The following KHDRBS2 variants were observed in gnomAD, a reference collection of about 807,000 sequenced individuals.
KHDRBS2 encodes KH domain-containing, RNA-binding, signal transduction-associated protein 2.
In KHDRBS2, 26 loss-of-function variants were observed where a neutral mutation model predicts 44.3. That is an observed-to-expected ratio of 0.59 (90% CI 0.43 to 0.81). The LOEUF (loss-of-function observed/expected upper bound fraction) is 0.81, where lower values mean the gene tolerates loss of function less well. Ranked by LOEUF, KHDRBS2 falls within the 40% of genes least tolerant of loss-of-function variation. The pLI, the probability that KHDRBS2 is intolerant of heterozygous loss-of-function variation, is 0.00. For synonymous variants in KHDRBS2, 194 were observed against 151.1 expected (o/e 1.28, Z -2.08); for missense variants, 476 against 433.1 (o/e 1.10, Z -0.88).
At chr6:62,122,568 C>T (rs1395770361) in intron 2 of KHDRBS2, among the ~76,000 whole-genome samples, 1 of 152,170 alleles carries the variant, frequency 6.6e-6, no homozygotes, top group African/African-American at 2.4e-5. Context: ...GGTCCCCACT[C>T]CTGCTATCCT....
chr6:62,266,313 A>AGGGCTGGCTC (rs1462265662), intron 1 of KHDRBS2, among the ~76,000 whole-genome samples: 25 of 152,004 alleles, frequency 1.6e-4, no homozygotes, highest in Admixed American at 1.6e-3. Context: ...TTCTTGCTTG[A>AGGGCTGGCTC]GGGCTGGCTC....
intron 2 of KHDRBS2, among the ~76,000 whole-genome samples, chr6:62,157,318 T>A (rs1236622521): frequency 2.0e-5 from 3 of 151,474 alleles, no homozygotes; most frequent in Admixed American, 2.0e-4. Flanking sequence ...AGAACGAGAC[T>A]CCTTTAAAAA....
chr6:62,186,379 T>A (rs774300001), intron 1 of KHDRBS2, among the ~76,000 whole-genome samples: 4 of 151,948 alleles, frequency 2.6e-5, no homozygotes, highest in Non-Finnish European at 2.9e-5. Context: ...TTACTTGCAT[T>A]TGGGGGCTGG....
intron 2 of KHDRBS2, among the ~76,000 whole-genome samples, chr6:62,056,352 AAAT>A (rs906900625): frequency 6.6e-6 from 1 of 152,008 alleles, no homozygotes; most frequent in Non-Finnish European, 1.5e-5. Context: ...AAGTAAAATT[AAAT>A]AATATTCTAC....
intron 2 of KHDRBS2, among the ~76,000 whole-genome samples, chr6:62,096,010 C>T (rs567489527): frequency 2.6e-5 from 4 of 151,980 alleles, no homozygotes; most frequent in East Asian, 1.9e-4. Context: ...TCGTCATGTG[C>T]TGTATCACAT....
At chr6:62,103,506 A>G (rs1017235481) in intron 2 of KHDRBS2, among the ~76,000 whole-genome samples, 3 of 152,022 alleles carry the variant, frequency 2.0e-5, no homozygotes, top group Non-Finnish European at 4.4e-5. Flanking sequence ...AGGGAATGGC[A>G]ACAGGCACTT....
chr6:61,560,449 C>T, the KHDRBS2 span, among the ~76,000 whole-genome samples: 2 of 152,172 alleles, frequency 1.3e-5, no homozygotes, highest in East Asian at 3.9e-4. Context: ...AGGTTTACTC[C>T]TTTGAGGCTA....
chr6:62,151,255 G>T (rs1815119914), intron 2 of KHDRBS2, among the ~76,000 whole-genome samples: 1 of 152,102 alleles, frequency 6.6e-6, no homozygotes, highest in African/African-American at 2.4e-5. Flanking sequence ...TGATTAAGTG[G>T]CCAATAGATA....
the KHDRBS2 span, among the ~76,000 whole-genome samples, chr6:61,655,381 G>A: frequency 6.6e-6 from 1 of 152,056 alleles, no homozygotes; most frequent in African/African-American, 2.4e-5. Flanking sequence ...AGCCTCCCAA[G>A]TAGCTGGGGT....
chr6:61,778,243 G>T (rs1163106664), intron 6 of KHDRBS2, among the ~76,000 whole-genome samples: 1 of 152,152 alleles, frequency 6.6e-6, no homozygotes, highest in Non-Finnish European at 1.5e-5. Flanking sequence ...TAACTCCGTG[G>T]ATGAACAGAG....
At chr6:61,921,425 T>C (rs1808043848) in intron 4 of KHDRBS2, among the ~76,000 whole-genome samples, 1 of 152,028 alleles carries the variant, frequency 6.6e-6, no homozygotes, top group African/African-American at 2.4e-5. Context: ...TTTCAATATG[T>C]GGGTGAATAT....
chr6:61,829,757 A>G (rs1391164605), intron 6 of KHDRBS2, among the ~76,000 whole-genome samples: 1 of 152,162 alleles, frequency 6.6e-6, no homozygotes, highest in Non-Finnish European at 1.5e-5. Context: ...GTAAAACCGG[A>G]GTCATACATA....
intron 3 of KHDRBS2, among the ~76,000 whole-genome samples, chr6:62,017,348 A>T (rs1781396678): frequency 6.6e-6 from 1 of 152,174 alleles, no homozygotes; most frequent in African/African-American, 2.4e-5. Context: ...TAATAAAAGA[A>T]ACATGTATCA....
chr6:61,748,376 C>T (rs1251167382), intron 6 of KHDRBS2, among the ~76,000 whole-genome samples: 1 of 152,098 alleles, frequency 6.6e-6, no homozygotes, highest in Non-Finnish European at 1.5e-5. Flanking sequence ...TTTGATACCT[C>T]AGATTTTGCT....
chr6:61,624,517 C>T, the KHDRBS2 span, among the ~76,000 whole-genome samples: 8 of 152,238 alleles, frequency 5.3e-5, no homozygotes, highest in Non-Finnish European at 8.8e-5. Flanking sequence ...GACTTAAGTC[C>T]GCACCATTTG....
chr6:61,563,109 G>T, the KHDRBS2 span, among the ~76,000 whole-genome samples: 2 of 151,996 alleles, frequency 1.3e-5, no homozygotes, highest in African/African-American at 4.8e-5. Context: ...CCTAACACTG[G>T]TTCCCCAGCT....
intron 1 of KHDRBS2, among the ~76,000 whole-genome samples, chr6:62,227,189 T>C (rs1298442175): frequency 1.3e-5 from 2 of 152,338 alleles, no homozygotes; most frequent in Admixed American, 6.5e-5. Flanking sequence ...GTGTCCTCTC[T>C]TATTTCCTTG....
At chr6:61,562,960 T>G in the KHDRBS2 span, among the ~76,000 whole-genome samples, 5 of 152,154 alleles carry the variant, frequency 3.3e-5, no homozygotes, top group Non-Finnish European at 5.9e-5. Flanking sequence ...AAGATTTCCT[T>G]CTGTTTTTGC....
At chr6:61,577,357 A>G in the KHDRBS2 span, among the ~76,000 whole-genome samples, 1 of 152,048 alleles carries the variant, frequency 6.6e-6, no homozygotes, top group African/African-American at 2.4e-5. Context: ...CTCAGCCTGA[A>G]CTGGAGGAGG....
Sources: gnomAD v4.1 joint callset for allele counts (sites outside exome capture counted in the v4.1 genomes callset) on GRCh38, gnomAD v4.1.1 for gene constraint, MANE v1.5 for transcripts, NCBI Gene and HGNC (gene_info 2026-07-23, HGNC 2026-07-21) for gene names.